ACKR2: variants seen among roughly 807,000 people sequenced by gnomAD.
ACKR2 encodes atypical chemokine receptor 2.
For missense variants in ACKR2, 457 were observed against 477.3 expected, an observed-to-expected ratio of 0.96 and a Z score of 0.40; for synonymous variants, 207 against 192.2, an observed-to-expected ratio of 1.08 and a Z score of -0.64.
intron 2 of ACKR2, among the ~76,000 whole-genome samples, chr3:42,862,078 C>T (rs1422741072): frequency 1.3e-5 from 2 of 152,196 alleles, no homozygotes; most frequent in East Asian, 3.8e-4. Flanking sequence ...CAAATTGTCT[C>T]TGTTTGCAGA....
intron 2 of ACKR2, among the ~76,000 whole-genome samples, chr3:42,823,900 C>T (rs1700835619): frequency 6.6e-6 from 1 of 152,194 alleles, no homozygotes; most frequent in African/African-American, 2.4e-5. Flanking sequence ...AGTTTTAGAA[C>T]ACTGAGACAA....
At chr3:42,828,347 G>C (rs1311073005) in intron 2 of ACKR2, among the ~76,000 whole-genome samples, 1 of 151,980 alleles carries the variant, frequency 6.6e-6, no homozygotes, top group Non-Finnish European at 1.5e-5. Flanking sequence ...CTGACCTCAG[G>C]TGATCCACCT....
At position 42,864,529 on chromosome 3, in the gene ACKR2, A is replaced by T. The variant is rs780915000; in HGVS notation, c.27A>T (p.Pro9=). Residue 9 remains proline, a synonymous_variant, in exon 3 of 3, where the codon CCA becomes CCT. Transcript: ENST00000422265. ...TGGCCGCCACTGCCTCTCCGCAGCC[A>T]CTCGCCACTGAGGATGCCGATTCTG... is the stretch of plus-strand genomic sequence containing the variant. The part of the protein sequence containing the change: MAATASPQ[P]LATEDADSEN... The T allele has an allele frequency of 6.8e-6, 11 of 1,607,840 alleles. No homozygotes were observed. The highest frequency in any genetic ancestry group is 9.4e-6 in the Non-Finnish European group (11 of 1,175,742).
intron 2 of ACKR2, among the ~76,000 whole-genome samples, chr3:42,836,834 G>T (rs572151631): frequency 1.3e-5 from 2 of 152,262 alleles, no homozygotes; most frequent in African/African-American, 2.4e-5. Flanking sequence ...TATGAAATGG[G>T]CTGGGCTAAT....
At position 42,864,890 on chromosome 3, in the gene ACKR2, A is replaced by G; in HGVS notation, c.388A>G (p.Ser130Gly). The G allele has an allele frequency of 6.2e-7, 1 of 1,614,114 alleles. No homozygotes were observed. Among genetic ancestry groups the G allele is most frequent in the South Asian group, 1.1e-5 (1 of 91,076 alleles). The change falls in exon 3 of 3, where the codon AGT becomes GGT. Residue 130 changes from serine (S) to glycine (G), a missense_variant. By Grantham distance (56) the Ser-to-Gly change is moderately conservative. Coordinates refer to ENST00000422265, the MANE Select transcript of ACKR2 (RefSeq NM_001296.5). ...VSTLYTINFYSGIFFISCMSL... is the reference protein window; with the variant it reads ...VSTLYTINFYGGIFFISCMSL... ...CACTCTTTATACTATTAACTTTTAC[A>G]GTGGCATCTTTTTCATTAGCTGCAT... is the stretch of plus-strand genomic sequence containing the variant.
intron 2 of ACKR2, among the ~76,000 whole-genome samples, chr3:42,822,195 T>A (rs1366109611): frequency 1.3e-5 from 2 of 151,548 alleles, no homozygotes; most frequent in African/African-American, 4.8e-5. Context: ...AATAAATAAA[T>A]AAAATATGGA....
chr3:42,824,167 G>A (rs1266831005), intron 2 of ACKR2, among the ~76,000 whole-genome samples: 1 of 152,038 alleles, frequency 6.6e-6, no homozygotes, highest in Non-Finnish European at 1.5e-5. Context: ...AAACACTTCT[G>A]GTGCCAAGCA....
At chr3:42,849,291 C>T (rs1701128500) in intron 2 of ACKR2, among the ~76,000 whole-genome samples, 1 of 152,126 alleles carries the variant, frequency 6.6e-6, no homozygotes, top group Non-Finnish European at 1.5e-5. Flanking sequence ...CACTTGAGCT[C>T]TGGAGTGGGA....
chr3:42,865,594 C>T lies in ACKR2; in HGVS notation c.1092C>T (p.Asp364=), dbSNP rs755406488. 2 of 1,614,060 alleles carry T rather than the reference C, an allele frequency of 1.2e-6. No individual in the cohort carries two copies. Among genetic ancestry groups the T allele is most frequent in the South Asian group, 1.1e-5 (1 of 91,056 alleles). The change falls in exon 3 of 3, where the codon GAC becomes GAT. Residue 364 remains aspartate, a synonymous_variant. Transcript: ENST00000422265. ...TAQEEMTGMN[D]LGERQSENYP... Reference sequence around the variant, plus strand: ...AAGAGGAAATGACTGGCATGAATGACCTTGGAGAGAGGCAGTCTGAGAACT... The same window carrying T: ...AAGAGGAAATGACTGGCATGAATGATCTTGGAGAGAGGCAGTCTGAGAACT...
chr3:42,813,093 A>G (rs2125601234), intron 1 of ACKR2, among the ~76,000 whole-genome samples: 1 of 152,386 alleles, frequency 6.6e-6, no homozygotes, highest in East Asian at 1.9e-4. Flanking sequence ...TGATTAAAAT[A>G]AAGCTCCATA....
At chr3:42,855,548 T>C (rs1338142726) in intron 2 of ACKR2, among the ~76,000 whole-genome samples, 1 of 151,988 alleles carries the variant, frequency 6.6e-6, no homozygotes, top group Non-Finnish European at 1.5e-5. Context: ...CTGATTGCTG[T>C]TGCCACTGTT....
intron 2 of ACKR2, among the ~76,000 whole-genome samples, chr3:42,839,987 A>T (rs7628612): frequency 6.6e-6 from 1 of 152,282 alleles, no homozygotes; most frequent in East Asian, 1.9e-4. Context: ...GGCCGGGCGC[A>T]GTGGCTCACG....
At chr3:42,862,120 G>A (rs756422979) in intron 2 of ACKR2, among the ~76,000 whole-genome samples, 7 of 152,142 alleles carry the variant, frequency 4.6e-5, no homozygotes, top group Non-Finnish European at 8.8e-5. Context: ...AAACCCCATC[G>A]CCTCAGCCCA....
In ACKR2 at chr3:42,859,195, G is replaced by A. The variant is rs147315394; in HGVS notation, c.-37-5271G>A. Among the ~76,000 whole-genome samples the A allele has an allele frequency of 4.7e-3, 710 of 152,102 alleles. 3 individuals are homozygous for A. Among genetic ancestry groups the A allele is most frequent in the African/African-American group, 0.012 (512 of 41,470 alleles). ...AGAGAACACCACAAAGATACTCCTC[G>A]AGAAGAACAACCCCAAGATACATAA... On this transcript the variant is annotated intron_variant, in intron 2 of 2. Transcript: ENST00000422265.
intron 2 of ACKR2, among the ~76,000 whole-genome samples, chr3:42,860,164 CAAAAAAAA>C (rs565028940): frequency 0.032 from 256 of 8,058 alleles, 10 homozygotes; most frequent in East Asian, 0.16. Flanking sequence ...AAATGGAAAG[CAAAAAAAA>C]AAAAAAAAAA....
chr3:42,821,797 C>T (rs578111815), intron 2 of ACKR2, among the ~76,000 whole-genome samples: 284 of 152,018 alleles, frequency 1.9e-3, no homozygotes, highest in African/African-American at 6.2e-3. Context: ...CCCGGGTTCA[C>T]GCCATTCTCC....
At chr3:42,825,511 A>C (rs1700853047) in intron 2 of ACKR2, among the ~76,000 whole-genome samples, 1 of 151,740 alleles carries the variant, frequency 6.6e-6, no homozygotes, top group African/African-American at 2.4e-5. Context: ...AGTTTATAGA[A>C]ATACAGTTGC....
chr3:42,860,189 A>AAAAAAAAACAC (rs376833790), intron 2 of ACKR2, among the ~76,000 whole-genome samples: 1 of 111,520 alleles, frequency 9.0e-6, no homozygotes, highest in Non-Finnish European at 1.9e-5. Flanking sequence ...AAAAAAAAAA[A>AAAAAAAAACAC]GCAGGGGATG....
At chr3:42,862,874 G>T (rs141564298) in intron 2 of ACKR2, among the ~76,000 whole-genome samples, 1,757 of 152,284 alleles carry the variant, frequency 0.012, 41 homozygotes, top group African/African-American at 0.04. Context: ...GTGGATTAAA[G>T]ACCTAAACAT....
Sources: gnomAD v4.1 joint callset for allele counts (sites outside exome capture counted in the v4.1 genomes callset) on GRCh38, gnomAD v4.1.1 for gene constraint, MANE v1.5 for transcripts, NCBI Gene and HGNC (gene_info 2026-07-23, HGNC 2026-07-21) for gene names.